CNOT4: variants seen among roughly 807,000 people sequenced by gnomAD.
CNOT4 encodes the protein CCR4-NOT transcription complex subunit 4.
A neutral mutation model predicts 73.8 loss-of-function variants in CNOT4; 8 were observed. That is an observed-to-expected ratio of 0.11 (90% CI 0.06 to 0.20). CNOT4 has a LOEUF of 0.20. CNOT4 is among the 10% of genes least tolerant of loss of function. The pLI, the probability that CNOT4 is intolerant of heterozygous loss-of-function variation, is 1.00. For synonymous variants in CNOT4, 293 were observed against 321.1 expected, an observed-to-expected ratio of 0.91 and a Z score of 0.94; for missense variants, 564 against 883.4, an observed-to-expected ratio of 0.64 and a Z score of 4.58.
intron 1 of CNOT4, among the ~76,000 whole-genome samples, chr7:135,506,905 C>T (rs1469319346): frequency 6.6e-6 from 1 of 150,890 alleles, no homozygotes; most frequent in African/African-American, 2.4e-5. Flanking sequence ...TTTTCTCATA[C>T]AAAACAACAA....
chr7:135,387,557 T>C, intron 10 of CNOT4: 1 of 975,382 alleles, frequency 1.0e-6, no homozygotes, highest in Non-Finnish European at 1.2e-6. Context: ...TTTCATACTT[T>C]TTTTTTTAAC....
At chr7:135,399,870 C>A (rs1168250622) in intron 7 of CNOT4, among the ~76,000 whole-genome samples, 1 of 151,996 alleles carries the variant, frequency 6.6e-6, no homozygotes, top group African/African-American at 2.4e-5. Context: ...AAGATATAGA[C>A]CTGAGCCCAC....
Position 135,462,515 on chromosome 7 carries a change from C to T in CNOT4, c.-92-24092G>A, listed in dbSNP as rs147525791. ...AAAAGACTGGAGGAGAGTTATCAAC[C>T]GCATGTCACAAAGACCCTTACTCTC... On this transcript the variant is annotated intron_variant, in intron 1 of 11. Coordinates refer to ENST00000541284, the MANE Select transcript of CNOT4 (RefSeq NM_001190850.2). Among the ~76,000 whole-genome samples, 652 of 152,282 alleles carry T rather than the reference C, an allele frequency of 4.3e-3. 12 individuals are homozygous for T. The highest frequency in any genetic ancestry group is 0.039 in the Admixed American group (592 of 15,292).
In CNOT4 at chr7:135,492,757, C is replaced by A. The variant is rs1198082252; in HGVS notation, c.-93+17132G>T. Among the ~76,000 whole-genome samples, 3 of 152,062 alleles carry A rather than the reference C, an allele frequency of 2.0e-5. No individual in the cohort carries two copies. In the East Asian group the frequency reaches 5.8e-4, roughly 29 times the overall value. On this transcript the variant is annotated intron_variant, in intron 1 of 11. Transcript: ENST00000541284. ...GACCAGACTTGGCAACACAGCAAGA[C>A]CCCATCTTTACAAAATATCTTTTTT...
At chr7:135,396,838 T>C (rs920583737) in intron 8 of CNOT4, among the ~76,000 whole-genome samples, 1 of 152,186 alleles carries the variant, frequency 6.6e-6, no homozygotes. Context: ...CTTTTACCAA[T>C]AGGTAACATT....
intron 10 of CNOT4, among the ~76,000 whole-genome samples, chr7:135,377,591 CT>C (rs1795591892): frequency 6.6e-6 from 1 of 152,128 alleles, no homozygotes; most frequent in Admixed American, 6.5e-5. Flanking sequence ...GTGTCTCAAT[CT>C]AAAAAGAATT....
At chr7:135,479,976 GA>G (rs1445902098) in intron 1 of CNOT4, among the ~76,000 whole-genome samples, 1 of 152,070 alleles carries the variant, frequency 6.6e-6, no homozygotes, top group Non-Finnish European at 1.5e-5. Flanking sequence ...AAATTCTGAA[GA>G]AACAAGTATA....
At chr7:135,453,827 TA>T (rs1800340561) in intron 1 of CNOT4, among the ~76,000 whole-genome samples, 9 of 26,714 alleles carry the variant, frequency 3.4e-4, no homozygotes, top group Non-Finnish European at 7.0e-4. Flanking sequence ...ATATATATTT[TA>T]TATATATATA....
At chr7:135,440,299 A>C (rs1326849804) in intron 1 of CNOT4, among the ~76,000 whole-genome samples, 1 of 151,524 alleles carries the variant, frequency 6.6e-6, no homozygotes, top group Non-Finnish European at 1.5e-5. Flanking sequence ...ACATGAAAAA[A>C]TGATCAATCT....
At chr7:135,379,865 C>T (rs950579553) in intron 10 of CNOT4, among the ~76,000 whole-genome samples, 8 of 152,164 alleles carry the variant, frequency 5.3e-5, no homozygotes, top group Admixed American at 5.2e-4. Flanking sequence ...TTTTAGAACA[C>T]CCCACTAAAG....
intron 1 of CNOT4, among the ~76,000 whole-genome samples, chr7:135,482,985 T>TAA (rs1802480293): frequency 2.4e-5 from 1 of 40,892 alleles, no homozygotes; most frequent in Admixed American, 3.2e-4. Flanking sequence ...AGACTCCATA[T>TAA]CAAAAAAAAA....
At chr7:135,407,099 G>A (rs1217332255) in intron 7 of CNOT4, among the ~76,000 whole-genome samples, 2 of 152,096 alleles carry the variant, frequency 1.3e-5, no homozygotes, top group African/African-American at 2.4e-5. Context: ...TCATTTAAAA[G>A]TGTGTGGTAC....
intron 1 of CNOT4, among the ~76,000 whole-genome samples, chr7:135,504,131 G>A (rs1427720434): frequency 6.6e-6 from 1 of 152,088 alleles, no homozygotes; most frequent in African/African-American, 2.4e-5. Context: ...AACATGCTCA[G>A]AAAATTTCAG....
intron 1 of CNOT4, among the ~76,000 whole-genome samples, chr7:135,491,151 T>C (rs1277996682): frequency 6.6e-6 from 1 of 152,176 alleles, no homozygotes; most frequent in Non-Finnish European, 1.5e-5. Flanking sequence ...TTTGGACATG[T>C]TGAGTGTGAG....
chr7:135,480,659 T>C (rs1216284494), intron 1 of CNOT4, among the ~76,000 whole-genome samples: 3 of 152,330 alleles, frequency 2.0e-5, no homozygotes, highest in South Asian at 2.1e-4. Context: ...ATTAGAACCA[T>C]TGCAGAGGCA....
At chr7:135,428,325 C>T (rs180951696) in intron 2 of CNOT4, among the ~76,000 whole-genome samples, 1 of 152,238 alleles carries the variant, frequency 6.6e-6, no homozygotes, top group East Asian at 1.9e-4. Context: ...AACAAGGAAG[C>T]AGCCACATTA....
At chr7:135,443,879 T>C (rs1317636115) in intron 1 of CNOT4, among the ~76,000 whole-genome samples, 1 of 152,176 alleles carries the variant, frequency 6.6e-6, no homozygotes, top group Non-Finnish European at 1.5e-5. Flanking sequence ...CTGGACACAA[T>C]GGCTCACACT....
chr7:135,416,394 G>A (rs1354272321), intron 3 of CNOT4, among the ~76,000 whole-genome samples: 1 of 152,052 alleles, frequency 6.6e-6, no homozygotes, highest in African/African-American at 2.4e-5. Context: ...TAAGGTAACT[G>A]TTATGTTTGC....
chr7:135,372,283 G>C (rs1199895332), intron 10 of CNOT4, among the ~76,000 whole-genome samples: 1 of 152,182 alleles, frequency 6.6e-6, no homozygotes, highest in East Asian at 1.9e-4. Context: ...GAAACCCTAG[G>C]AGGACGTGAC....
Sources: gnomAD v4.1 joint callset for allele counts (sites outside exome capture counted in the v4.1 genomes callset) on GRCh38, gnomAD v4.1.1 for gene constraint, MANE v1.5 for transcripts, NCBI Gene and HGNC (gene_info 2026-07-23, HGNC 2026-07-21) for gene names.